Variants in GFRA1 observed in about 807,000 individuals in gnomAD.
The protein encoded by GFRA1 is GDNF family receptor alpha 1.
In GFRA1, 16 loss-of-function variants were observed where a neutral mutation model predicts 51.6. The ratio of observed to expected loss-of-function variants is 0.31; its 90% CI spans 0.21 to 0.47. GFRA1 has a LOEUF of 0.47. Among genes scored for constraint, GFRA1 ranks in the 20% least tolerant of loss-of-function variants. The pLI is 1.00. For missense variants in GFRA1, 530 were observed against 594.3 expected, an observed-to-expected ratio of 0.89 and a Z score of 1.13; for synonymous variants, 270 against 241.3, an observed-to-expected ratio of 1.12 and a Z score of -1.10.
chr10:116,185,941 T>C (rs1477070568), intron 5 of GFRA1, among the ~76,000 whole-genome samples: 2 of 152,260 alleles, frequency 1.3e-5, no homozygotes, highest in Non-Finnish European at 1.5e-5. Context: ...TATCCAGACA[T>C]GGAGTCTGGT....
intron 9 of GFRA1, among the ~76,000 whole-genome samples, chr10:116,087,608 A>T (rs1956153132): frequency 6.6e-6 from 1 of 152,158 alleles, no homozygotes; most frequent in Non-Finnish European, 1.5e-5. Context: ...CTGTAGCCAG[A>T]ACTTGCCTTT....
intron 5 of GFRA1, among the ~76,000 whole-genome samples, chr10:116,167,762 T>A (rs1372901351): frequency 6.6e-6 from 1 of 152,176 alleles, no homozygotes; most frequent in African/African-American, 2.4e-5. Context: ...AGCATTTTAA[T>A]CAAGCATTCT....
intron 5 of GFRA1, among the ~76,000 whole-genome samples, chr10:116,191,854 C>T (rs1009937552): frequency 2.6e-5 from 4 of 152,022 alleles, no homozygotes; most frequent in Admixed American, 2.6e-4. Flanking sequence ...TGGTGAAACC[C>T]CATCTCTACT....
intron 5 of GFRA1, among the ~76,000 whole-genome samples, chr10:116,169,513 G>A (rs1960822113): frequency 6.6e-6 from 1 of 152,248 alleles, no homozygotes; most frequent in Non-Finnish European, 1.5e-5. Context: ...TCCACTGGCA[G>A]AGGAGCAGAG....
chr10:116,064,008 C>T lies in GFRA1; in HGVS notation c.*390G>A, dbSNP rs566611017. 1 of 174,842 alleles carries T rather than the reference C, an allele frequency of 5.7e-6. No individual in the cohort carries two copies. Among genetic ancestry groups the T allele is most frequent in the African/African-American group, 2.6e-5 (1 of 38,404 alleles). The allele number at this position is 174,842 out of a possible 1,614,324, so 10.8% of individuals were successfully genotyped here. ...TTAGAAATATTAACTCCTTCTCTAG[C>T]TAGGAAAGGCCAGAAGTAAAACTGT... On this transcript the variant is annotated 3_prime_UTR_variant, in exon 11 of 11. Coordinates refer to ENST00000355422, the MANE Select transcript of GFRA1 (RefSeq NM_005264.8).
At chr10:116,202,656 G>GGA (rs935613965) in intron 5 of GFRA1, among the ~76,000 whole-genome samples, 1 of 152,034 alleles carries the variant, frequency 6.6e-6, no homozygotes, top group Non-Finnish European at 1.5e-5. Context: ...TGGTGGAGCA[G>GGA]GAGAGAGAGA....
chr10:116,096,572 C>T, intron 7 of GFRA1, 83 bp downstream of exon 7: 1 of 773,664 alleles, frequency 1.3e-6, no homozygotes. Flanking sequence ...TTCACTTCTG[C>T]AGACATCAGC....
intron 5 of GFRA1, among the ~76,000 whole-genome samples, chr10:116,208,694 C>G (rs1294336532): frequency 6.6e-6 from 1 of 152,168 alleles, no homozygotes; most frequent in Non-Finnish European, 1.5e-5. Flanking sequence ...GTTGTGATTT[C>G]CAAGCGGCTT....
At chr10:116,191,798 A>C (rs1963288028) in intron 5 of GFRA1, among the ~76,000 whole-genome samples, 1 of 152,164 alleles carries the variant, frequency 6.6e-6, no homozygotes, top group South Asian at 2.1e-4. Context: ...AGGCCAAGGC[A>C]GGCGGATCAC....
At chr10:116,211,584 C>T in intron 5 of GFRA1, 47 bp downstream of exon 5, 1 of 1,519,792 alleles carries the variant, frequency 6.6e-7, no homozygotes, top group South Asian at 1.2e-5. Flanking sequence ...CCATGTTCCC[C>T]AAAGAGCACA....
intron 9 of GFRA1, among the ~76,000 whole-genome samples, chr10:116,069,254 T>C (rs1007755957): frequency 2.0e-5 from 3 of 152,250 alleles, no homozygotes; most frequent in Admixed American, 6.5e-5. Flanking sequence ...TTACAGTATG[T>C]TGAAAAATGA....
chr10:116,096,665 C>A lies in GFRA1; in HGVS notation c.870G>T (p.Ser290=), dbSNP rs144078324. 1.1e-5 allele frequency: 18 copies of A among 1,581,458 alleles called. No homozygotes were observed. Among genetic ancestry groups the A allele is most frequent in the Non-Finnish European group, 1.5e-5 (17 of 1,150,820 alleles). ...ENYADCLLAY[S]GLIGTVMTPN... ...TCTCTCGGATCTTACCAATAAGCCCCGAGTAGGCGAGGAGGCAGTCAGCGT... is the reference window on the plus strand; with the variant it reads ...TCTCTCGGATCTTACCAATAAGCCCAGAGTAGGCGAGGAGGCAGTCAGCGT... The change falls in exon 7 of 11, where the codon TCG becomes TCT. Residue 290 remains serine, a synonymous_variant. Coordinates refer to ENST00000355422, the MANE Select transcript of GFRA1 (RefSeq NM_005264.8).
At chr10:116,205,358 A>C (rs973246231) in intron 5 of GFRA1, among the ~76,000 whole-genome samples, 1 of 152,114 alleles carries the variant, frequency 6.6e-6, no homozygotes, top group Non-Finnish European at 1.5e-5. Flanking sequence ...TGGGTGGATC[A>C]CGAGGTCAGG....
intron 5 of GFRA1, among the ~76,000 whole-genome samples, chr10:116,209,008 G>A (rs1328850611): frequency 1.3e-5 from 2 of 152,156 alleles, no homozygotes; most frequent in Non-Finnish European, 2.9e-5. Context: ...TTGAAAACAT[G>A]GCCCCGTGGC....
In GFRA1 at chr10:116,146,109, T is replaced by C. The variant is rs370968274; in HGVS notation, c.434-20552A>G. Among the ~76,000 whole-genome samples the C allele has an allele frequency of 1.4e-4, 22 of 152,206 alleles. No individual in the cohort carries two copies. The East Asian group carries it at 3.5e-3, about 24-fold the overall frequency. On this transcript the variant is annotated intron_variant, in intron 5 of 10. Transcript: ENST00000355422. ...ATATTTATACACATATGTGAGTATA[T>C]ATGATAATTTTATCTTTTTCATACA...
chr10:116,106,595 T>C (rs1017805059), intron 6 of GFRA1, among the ~76,000 whole-genome samples: 3 of 151,382 alleles, frequency 2.0e-5, no homozygotes, highest in African/African-American at 7.3e-5. Flanking sequence ...TAGGTTCTTG[T>C]GAGATCTGAT....
chr10:116,226,257 T>C (rs781779082), intron 4 of GFRA1, among the ~76,000 whole-genome samples: 1 of 152,184 alleles, frequency 6.6e-6, no homozygotes, highest in Non-Finnish European at 1.5e-5. Flanking sequence ...ATGGTCGGCA[T>C]GGCCTTTTAA....
At chr10:116,215,666 G>A (rs761302410) in intron 4 of GFRA1, among the ~76,000 whole-genome samples, 1 of 152,214 alleles carries the variant, frequency 6.6e-6, no homozygotes, top group Non-Finnish European at 1.5e-5. Context: ...TGCTCTTGCA[G>A]GAATTGGAAA....
chr10:116,101,012 T>C (rs1189724650), intron 6 of GFRA1, among the ~76,000 whole-genome samples: 2 of 152,144 alleles, frequency 1.3e-5, no homozygotes, highest in Non-Finnish European at 2.9e-5. Flanking sequence ...GGTGGCTGTG[T>C]TGAGTTCCTG....
Sources: allele counts gnomAD v4.1 joint callset (sites outside exome capture counted in the v4.1 genomes callset), GRCh38; gene constraint gnomAD v4.1.1; transcripts MANE v1.5; gene names NCBI Gene and HGNC (gene_info 2026-07-23, HGNC 2026-07-21).